The following PTPRD variants were observed in gnomAD, a reference collection of about 807,000 sequenced individuals.
PTPRD encodes receptor-type tyrosine-protein phosphatase delta.
In PTPRD, 34 loss-of-function variants were observed where a neutral mutation model predicts 214.5. The observed-to-expected ratio is 0.16, with a 90% confidence interval of 0.12 to 0.21. The LOEUF is 0.21. Among genes scored for constraint, PTPRD ranks in the 10% least tolerant of loss-of-function variants. The pLI is 1.00. For synonymous variants in PTPRD, 1,128 were observed against 845.7 expected (o/e 1.33, Z -5.79); for missense variants, 2,545 against 2,398.7 (o/e 1.06, Z -1.27).
Position 10,553,584 on chromosome 9 carries a change from T to G in PTPRD, c.-600+58814A>C, listed in dbSNP as rs1285037518. ...CTTTCTTTTTATAACACAAAATCAT[T>G]TCATATGCAACTGAGTTTCATCTGG... On this transcript the variant is annotated intron_variant, in intron 2 of 45. Coordinates refer to ENST00000381196, the MANE Select transcript of PTPRD (RefSeq NM_002839.4). Among the ~76,000 whole-genome samples the G allele has an allele frequency of 2.0e-5, 3 of 152,134 alleles. No homozygotes were observed. The East Asian group carries it at 5.8e-4, about 29-fold the overall frequency.
At chr9:8,728,899 G>A (rs2098621659) in intron 12 of PTPRD, among the ~76,000 whole-genome samples, 2 of 152,122 alleles carry the variant, frequency 1.3e-5, no homozygotes, top group South Asian at 2.1e-4. Flanking sequence ...AGGATTGCTG[G>A]AACCCCAGAG....
rs1196001563 is a variant in PTPRD at position 8,377,612 on chromosome 9, T to G, written c.4387-886A>C. Among the ~76,000 whole-genome samples, 5 of 152,098 alleles carry G rather than the reference T, an allele frequency of 3.3e-5. No homozygotes were observed. The South Asian group carries it at 1.0e-3, about 31-fold the overall frequency. On this transcript the variant is annotated intron_variant, in intron 37 of 45. Coordinates refer to ENST00000381196, the MANE Select transcript of PTPRD (RefSeq NM_002839.4). ...TTACCCTTTCTATCTCAGACTTTTT[T>G]TTAATGGGACTAATTCTTAAGAGAA...
intron 4 of PTPRD, among the ~76,000 whole-genome samples, chr9:9,954,588 G>T (rs969873713): frequency 2.0e-5 from 3 of 151,324 alleles, no homozygotes; most frequent in African/African-American, 7.3e-5. Flanking sequence ...TCATTTATGA[G>T]AGCACAATTA....
chr9:9,749,595 T>G (rs903561116), intron 6 of PTPRD, among the ~76,000 whole-genome samples: 24 of 152,172 alleles, frequency 1.6e-4, no homozygotes, highest in African/African-American at 5.3e-4. Flanking sequence ...CAAGACAATA[T>G]TCTATAGACA....
In PTPRD at chr9:8,389,380, G is replaced by A. The variant is rs2135665662; in HGVS notation, c.4238C>T (p.Ala1413Val). The change falls in exon 37 of 46, where the codon GCC becomes GTC. Residue 1413 changes from alanine to valine, a missense_variant. Ala to Val is a moderately conservative substitution (Grantham distance 64). Transcript: ENST00000381196. ...EGIPGSDYVN[A>V]NYIDGYRKQN... ...CTTCCTATACCCATCTATGTAGTTG[G>A]CATTCACATAGTCACTTCCTGGGAT... The A allele has an allele frequency of 6.2e-7, 1 of 1,609,878 alleles. No homozygotes were observed. Among genetic ancestry groups the A allele is most frequent in the Non-Finnish European group, 8.5e-7 (1 of 1,178,094 alleles).
intron 3 of PTPRD, among the ~76,000 whole-genome samples, chr9:10,266,864 A>G (rs1263744822): frequency 6.6e-6 from 1 of 152,150 alleles, no homozygotes; most frequent in Non-Finnish European, 1.5e-5. Flanking sequence ...AGAAAACTTC[A>G]TGAAGAAACC....
chr9:8,822,562 G>C (rs2097092391), intron 11 of PTPRD, among the ~76,000 whole-genome samples: 1 of 152,296 alleles, frequency 6.6e-6, no homozygotes, highest in African/African-American at 2.4e-5. Context: ...CACAGGAGAA[G>C]GGATGATTCA....
At position 8,689,686 on chromosome 9, in the gene PTPRD, G is replaced by C. The variant is rs574889516; in HGVS notation, c.64+44094C>G. ...ATTATAGGAGTACAATTCAAGATGA[G>C]ATTTGGGTGGGGACACAGCCAAACC... On this transcript the variant is annotated intron_variant, in intron 12 of 45. Coordinates refer to ENST00000381196, the MANE Select transcript of PTPRD (RefSeq NM_002839.4). Among the ~76,000 whole-genome samples, 6 of 152,262 alleles carry C rather than the reference G, an allele frequency of 3.9e-5. No homozygotes were observed. The East Asian group carries it at 7.7e-4, about 20-fold the overall frequency.
At chr9:8,962,393 G>T (rs1388466502) in intron 11 of PTPRD, among the ~76,000 whole-genome samples, 1 of 152,072 alleles carries the variant, frequency 6.6e-6, no homozygotes, top group Non-Finnish European at 1.5e-5. Context: ...ATGAAAACAT[G>T]CAGGACAGAT....
Position 8,492,941 on chromosome 9 carries a change from G to C in PTPRD, c.2388C>G (p.Tyr796Ter). The change falls in exon 27 of 46, where the codon TAC (tyrosine) becomes TAG (stop). Residue 796 changes from tyrosine to a stop codon, truncating the protein, a stop_gained. Coordinates refer to ENST00000381196, the MANE Select transcript of PTPRD (RefSeq NM_002839.4). LOFTEE classifies it high-confidence loss of function. ...TTGTGTAGGCTGTGACGGTGAGGGA[G>C]TAGGAAGTTTCAGGCTGGAGCCCAG... ...IISGLQPETS[Y>*]SLTVTAYTTK... is the part of the protein sequence containing the mutation. The C allele has an allele frequency of 6.2e-7, 1 of 1,613,760 alleles. No individual in the cohort carries two copies. The highest frequency in any genetic ancestry group is 8.5e-7 in the Non-Finnish European group (1 of 1,179,722).
At chr9:9,553,595 G>C (rs2080846196) in intron 8 of PTPRD, among the ~76,000 whole-genome samples, 1 of 151,908 alleles carries the variant, frequency 6.6e-6, no homozygotes. Flanking sequence ...TGACAGTATG[G>C]ATACCCCTTA....
intron 3 of PTPRD, among the ~76,000 whole-genome samples, chr9:10,140,433 C>T (rs2098975955): frequency 6.6e-6 from 1 of 151,904 alleles, no homozygotes; most frequent in Non-Finnish European, 1.5e-5. Context: ...ACCGATCCCA[C>T]AGAAATACAA....
intron 9 of PTPRD, among the ~76,000 whole-genome samples, chr9:9,274,090 TTCTC>T (rs2133034876): frequency 6.6e-6 from 1 of 151,250 alleles, no homozygotes; most frequent in Non-Finnish European, 1.5e-5. Flanking sequence ...TTTTTTAAAA[TTCTC>T]TCTTTCACTT....
chr9:9,187,076 G>T (rs1386152725), intron 9 of PTPRD, among the ~76,000 whole-genome samples: 1 of 151,680 alleles, frequency 6.6e-6, no homozygotes, highest in Non-Finnish European at 1.5e-5. Context: ...ATAATATATT[G>T]CAATGATTTT....
Position 9,440,394 on chromosome 9 carries a change from T to C in PTPRD, c.-236-42912A>G, listed in dbSNP as rs2087089713. Among the ~76,000 whole-genome samples the C allele has an allele frequency of 3.3e-5, 5 of 152,136 alleles. No homozygotes were observed. The South Asian group carries it at 8.3e-4, about 25-fold the overall frequency. ...TATTTTCATCTATCAAATTGTTAAA[T>C]GCAAAAGTGAAAAGGTAGAAAGGGG... On this transcript the variant is annotated intron_variant, in intron 8 of 45. Coordinates refer to ENST00000381196, the MANE Select transcript of PTPRD (RefSeq NM_002839.4).
chr9:9,681,100 A>G (rs1407760606), intron 7 of PTPRD, among the ~76,000 whole-genome samples: 6 of 151,898 alleles, frequency 4.0e-5, no homozygotes, highest in Admixed American at 3.9e-4. Context: ...GTTAGAGTCA[A>G]ATAAATATTT....
intron 3 of PTPRD, among the ~76,000 whole-genome samples, chr9:10,080,714 C>A (rs1392323647): frequency 6.6e-6 from 1 of 152,060 alleles, no homozygotes; most frequent in Non-Finnish European, 1.5e-5. Context: ...AACTCCCTTT[C>A]TTTTCTTTAT....
rs140791628 is a variant in PTPRD at position 10,341,932 on chromosome 9, T to C, written c.-599-915A>G. On this transcript the variant is annotated intron_variant, in intron 2 of 45. Coordinates refer to ENST00000381196, the MANE Select transcript of PTPRD (RefSeq NM_002839.4). ...TTAGCAACTCAACTTTTTAATGGTA[T>C]CTTTCACAGTGGTTTCTAGCTTTCT... is the stretch of plus-strand genomic sequence containing the variant. Among the ~76,000 whole-genome samples, 389 of 152,154 alleles carry C rather than the reference T, an allele frequency of 2.6e-3. 3 individuals carry two copies. The highest frequency in any genetic ancestry group is 0.011 in the Admixed American group (162 of 15,252).
intron 5 of PTPRD, among the ~76,000 whole-genome samples, chr9:9,867,748 G>C (rs566694598): frequency 6.6e-6 from 1 of 152,126 alleles, no homozygotes; most frequent in African/African-American, 2.4e-5. Context: ...AAATTATGGA[G>C]TTGGCAGGCA....
Sources: gnomAD v4.1 joint callset for allele counts (sites outside exome capture counted in the v4.1 genomes callset) on GRCh38, gnomAD v4.1.1 for gene constraint, MANE v1.5 for transcripts, NCBI Gene and HGNC (gene_info 2026-07-23, HGNC 2026-07-21) for gene names.